CAGE1: variants seen among roughly 807,000 people sequenced by gnomAD.
CAGE1 encodes cancer antigen 1.
In CAGE1, 66 loss-of-function variants were observed where a neutral mutation model predicts 94.9. The ratio of observed to expected loss-of-function variants is 0.70; its 90% CI spans 0.57 to 0.85. The LOEUF is 0.85. Ranked by LOEUF, CAGE1 falls within the 40% of genes least tolerant of loss-of-function variation. CAGE1 has a pLI of 0.00. For synonymous variants in CAGE1, 319 were observed against 321.0 expected, an observed-to-expected ratio of 0.99 and a Z score of 0.07; for missense variants, 865 against 950.4, an observed-to-expected ratio of 0.91 and a Z score of 1.18.
Position 7,339,273 on chromosome 6 carries a change from A to G in CAGE1, c.2370-5183T>C. On this transcript the variant is annotated intron_variant, in intron 11 of 13. Transcript: ENST00000502583. This position sits in a 1 kb window ranked among gnomAD's most constrained non-coding sequence, Gnocchi z 4.7. ...GTAAGGCAGAGACTCTGCCTGGGCA[A>G]TGGCACACAGACCCCTAGTGGCCAC... The G allele has an allele frequency of 1.9e-6, 3 of 1,587,386 alleles. No individual in the cohort carries two copies. In the East Asian group the frequency reaches 6.7e-5, roughly 35 times the overall value.
chr6:7,339,718 C>T lies in CAGE1; in HGVS notation c.2370-5628G>A. ...TCACTTAGAATAATGGTCTCCAATT[C>T]CATCTAAGTTGCTGTGAATGCCATT... On this transcript the variant is annotated intron_variant, in intron 11 of 13. Transcript: ENST00000502583. This position sits in a 1 kb window ranked among gnomAD's most constrained non-coding sequence, Gnocchi z 4.7. 1 of 539,118 alleles carries T rather than the reference C, an allele frequency of 1.9e-6. No individual in the cohort carries two copies. The highest frequency in any genetic ancestry group is 3.3e-6 in the Non-Finnish European group (1 of 299,548). 33.4% of individuals were successfully genotyped at this position (539,118 alleles called of 1,614,324 possible).
rs1380435812 is a variant in CAGE1, at chr6:7,378,952, A to G, written c.352T>C (p.Leu118=). 1 of 1,583,506 alleles carries G rather than the reference A, an allele frequency of 6.3e-7. No homozygotes were observed. Among genetic ancestry groups the G allele is most frequent in the Non-Finnish European group, 8.6e-7 (1 of 1,163,130 alleles). ...QPVDTISISS[L]RQFETVCKFH... is the part of the protein sequence containing the mutation. ...TTGCAAACGGTTTCAAATTGTCTCA[A>G]GGAAGATATGCTGATGGTGTCAACT... Residue 118 remains leucine (L), a synonymous_variant, in exon 4 of 14, where the codon TTG becomes CTG. Transcript: ENST00000502583.
intron 11 of CAGE1, among the ~76,000 whole-genome samples, chr6:7,336,296 G>A (rs1239452034): frequency 6.6e-6 from 1 of 152,186 alleles, no homozygotes; most frequent in East Asian, 1.9e-4. Context: ...TAGCAGCAGT[G>A]GAATATATTG....
At chr6:7,342,721 T>C (rs979413186) in intron 11 of CAGE1, among the ~76,000 whole-genome samples, 1 of 152,224 alleles carries the variant, frequency 6.6e-6, no homozygotes. Context: ...AGTCTTTGCT[T>C]AAGCCAATGT....
intron 1 of CAGE1, among the ~76,000 whole-genome samples, chr6:7,388,032 C>CAAAAAAA (rs70978963): frequency 1.5e-5 from 1 of 64,970 alleles, no homozygotes; most frequent in East Asian, 4.5e-4. Flanking sequence ...GACTCCATCT[C>CAAAAAAA]AAAAAAAAAA....
chr6:7,349,653 C>G (rs918836975), intron 11 of CAGE1, among the ~76,000 whole-genome samples: 1 of 152,170 alleles, frequency 6.6e-6, no homozygotes, highest in African/African-American at 2.4e-5. Flanking sequence ...AACTCACTGG[C>G]CAGGTGCAGT....
rs1738704130 is a variant in CAGE1 at position 7,362,696 on chromosome 6, T to G, written c.2193+2772A>C. ...TGCTGGCCCAGAGTTCCTTAGAGAA[T>G]GAGGTGTGAATCTTCTGGAGTACAT... On this transcript the variant is annotated intron_variant, in intron 9 of 13. Coordinates refer to ENST00000502583, the MANE Select transcript of CAGE1 (RefSeq NM_001170692.2). The surrounding 1 kb of genome is among the most constrained non-coding windows in gnomAD (Gnocchi z 4.1). Among the ~76,000 whole-genome samples, 1 of 152,136 alleles carries G rather than the reference T, an allele frequency of 6.6e-6. No individual in the cohort carries two copies. Among genetic ancestry groups the G allele is most frequent in the Non-Finnish European group, 1.5e-5 (1 of 68,016 alleles).
Position 7,355,059 on chromosome 6 carries a change from G to T in CAGE1, c.2351C>A (p.Ser784Tyr). ...AACTTACTGTGCAATCTGGGAGTGG[G>T]ATATTGCAAGCCTTTGGTCAGCACA... ...IECADQRLAI[S>Y]HSQIAHLEER... The change falls in exon 11 of 14, where the codon TCC (serine) becomes TAC (tyrosine). Residue 784 changes from serine to tyrosine, a missense_variant. Coordinates refer to ENST00000502583, the MANE Select transcript of CAGE1 (RefSeq NM_001170692.2). 1 of 1,607,632 alleles carries T rather than the reference G, an allele frequency of 6.2e-7. No individual in the cohort carries two copies. The highest frequency in any genetic ancestry group is 8.5e-7 in the Non-Finnish European group (1 of 1,176,036).
intron 12 of CAGE1, chr6:7,331,669 G>A: frequency 9.7e-6 from 2 of 205,744 alleles, no homozygotes; most frequent in Non-Finnish European, 1.0e-5. Flanking sequence ...CTTGGCATAG[G>A]CAAACATCTT....
Position 7,326,872 on chromosome 6 carries a change from T to G in CAGE1, c.2506A>C (p.Asn836His). Residue 836 changes from asparagine to histidine, a missense_variant, in exon 14 of 14, where the codon AAT (asparagine) becomes CAT (histidine). Coordinates refer to ENST00000502583, the MANE Select transcript of CAGE1 (RefSeq NM_001170692.2). ...TTCAGGCTTGTTTAATCTAAATCAT[T>G]TCTATTTTCTTTAAAAAGAGCTGGC... ...MMPALFKENR[N>H]DLD 3.2e-6 allele frequency: 5 copies of G among 1,580,914 alleles called. No homozygotes were observed. Among genetic ancestry groups the G allele is most frequent in the Non-Finnish European group, 4.3e-6 (5 of 1,150,428 alleles).
intron 9 of CAGE1, among the ~76,000 whole-genome samples, chr6:7,363,632 T>G (rs1018374459): frequency 6.6e-6 from 1 of 152,180 alleles, no homozygotes; most frequent in Non-Finnish European, 1.5e-5. Flanking sequence ...GGTAGTTAGG[T>G]CTAGAAGCTA....
chr6:7,355,557 G>T (rs1581678335), intron 10 of CAGE1, among the ~76,000 whole-genome samples: 1 of 152,248 alleles, frequency 6.6e-6, no homozygotes, highest in South Asian at 2.1e-4. Context: ...ATAGCTTTCA[G>T]CTAAAAGGAT....
intron 11 of CAGE1, among the ~76,000 whole-genome samples, chr6:7,348,854 C>T (rs1010168371): frequency 4.6e-5 from 7 of 152,014 alleles, no homozygotes; most frequent in Non-Finnish European, 1.0e-4. Context: ...CCCAATCCAA[C>T]AAAGACAAAG....
chr6:7,385,910 C>T, intron 2 of CAGE1, 38 bp from the exon 3 acceptor site: 2 of 1,083,920 alleles, frequency 1.8e-6, no homozygotes, highest in East Asian at 2.7e-5. Flanking sequence ...TTCAAGCAAA[C>T]ATCACAAGCT....
At chr6:7,329,662 A>G (rs905119916) in intron 13 of CAGE1, among the ~76,000 whole-genome samples, 187 bp downstream of exon 13, 22 of 152,092 alleles carry the variant, frequency 1.4e-4, no homozygotes, top group African/African-American at 5.1e-4. Context: ...ACAAGATTAG[A>G]GGGAGGGGTT....
intron 13 of CAGE1, chr6:7,328,947 T>TTTTTTG (rs1758640721): frequency 6.6e-6 from 1 of 150,920 alleles, no homozygotes; most frequent in Admixed American, 6.9e-5. Flanking sequence ...TTTTTTTTTT[T>TTTTTTG]TTGAGATAGA....
At position 7,331,476 on chromosome 6, in the gene CAGE1, G is replaced by GT. The variant is rs1758751738; in HGVS notation, c.2439-1589dup. The GT allele has an allele frequency of 6.7e-6, 3 of 449,010 alleles. No individual in the cohort carries two copies. In the Admixed American group the frequency reaches 1.0e-4, roughly 15 times the overall value. 27.8% of individuals were successfully genotyped at this position (449,010 alleles called of 1,614,324 possible). On this transcript the variant is annotated intron_variant, in intron 12 of 13. Coordinates refer to ENST00000502583, the MANE Select transcript of CAGE1 (RefSeq NM_001170692.2). The stretch of plus-strand genomic sequence containing the variant: ...AGAACCAGCCACTCCTAATGTTGCA[G>GT]TGCCTGCACCGTTACATTTCACACC...
Position 7,387,073 on chromosome 6 carries a change from T to G in CAGE1, c.101A>C (p.Asp34Ala). ...HEKVESMSESDTMNVSNLSQG... is the reference protein window; with the variant it reads ...HEKVESMSESATMNVSNLSQG... Reference sequence around the variant, plus strand: ...AGAAAGATTGCTGACATTCATGGTATCCGATTCTGACATGCTTTCTACTTT... The same window carrying G: ...AGAAAGATTGCTGACATTCATGGTAGCCGATTCTGACATGCTTTCTACTTT... The change falls in exon 2 of 14, where the codon GAT becomes GCT. Residue 34 changes from aspartate to alanine, a missense_variant. By Grantham distance (126) the Asp-to-Ala change is moderately radical. Coordinates refer to ENST00000502583, the MANE Select transcript of CAGE1 (RefSeq NM_001170692.2). 2.6e-6 allele frequency: 4 copies of G among 1,551,786 alleles called. No homozygotes were observed. Among genetic ancestry groups the G allele is most frequent in the Non-Finnish European group, 3.5e-6 (4 of 1,146,912 alleles).
At chr6:7,377,706 C>T (rs1760802612) in intron 4 of CAGE1, among the ~76,000 whole-genome samples, 1 of 152,124 alleles carries the variant, frequency 6.6e-6, no homozygotes, top group African/African-American at 2.4e-5. Context: ...CACTGCACTC[C>T]AGCCTGGGCA....
Sources: gnomAD v4.1 joint callset for allele counts (sites outside exome capture counted in the v4.1 genomes callset) on GRCh38, gnomAD v4.1.1 for gene constraint, Gnocchi (gnomAD v3.1) non-coding constraint, MANE v1.5 for transcripts, NCBI Gene and HGNC (gene_info 2026-07-23, HGNC 2026-07-21) for gene names.